Variants in CDH12 observed in about 807,000 individuals in gnomAD.
CDH12 encodes cadherin-12.
Under a neutral mutation model 74.1 loss-of-function variants are expected in CDH12, and 41 were observed. That is an observed-to-expected ratio of 0.55 (90% CI 0.43 to 0.72). CDH12 has a LOEUF of 0.72. CDH12 is among the 30% of genes least tolerant of loss of function. CDH12 has a pLI of 0.00. For synonymous variants in CDH12, 399 were observed against 355.0 expected (o/e 1.12, Z -1.39); for missense variants, 945 against 977.2 (o/e 0.97, Z 0.44).
intron 1 of CDH12, among the ~76,000 whole-genome samples, chr5:22,695,008 G>T (rs543074700): frequency 1.3e-5 from 2 of 151,854 alleles, no homozygotes; most frequent in South Asian, 4.2e-4. Context: ...ACCCACCGAC[G>T]GTCCTGGTGT....
chr5:22,345,602 A>G (rs1740075918), intron 3 of CDH12, among the ~76,000 whole-genome samples: 1 of 152,220 alleles, frequency 6.6e-6, no homozygotes, highest in South Asian at 2.1e-4. Flanking sequence ...TTTTGCCATT[A>G]CTGATGGCTG....
intron 3 of CDH12, among the ~76,000 whole-genome samples, chr5:22,292,543 G>T (rs1737439891): frequency 6.6e-6 from 1 of 151,574 alleles, no homozygotes; most frequent in South Asian, 2.1e-4. Flanking sequence ...GAACTCAATA[G>T]CACAAACAAA....
At chr5:21,931,498 G>A (rs561268786) in intron 6 of CDH12, among the ~76,000 whole-genome samples, 5 of 152,078 alleles carry the variant, frequency 3.3e-5, no homozygotes, top group South Asian at 4.1e-4. Flanking sequence ...CACTAATAGC[G>A]GTGCTTGAAC....
chr5:22,594,142 T>A (rs184741983), intron 1 of CDH12, among the ~76,000 whole-genome samples: 1 of 152,182 alleles, frequency 6.6e-6, no homozygotes, highest in Non-Finnish European at 1.5e-5. Flanking sequence ...ATCCCTGTTA[T>A]ATTCTAATGC....
At chr5:22,313,085 T>G (rs1399558897) in intron 3 of CDH12, among the ~76,000 whole-genome samples, 2 of 152,164 alleles carry the variant, frequency 1.3e-5, no homozygotes, top group Non-Finnish European at 2.9e-5. Flanking sequence ...CATTCACTTC[T>G]CAGGTGGTGA....
chr5:22,801,497 C>T (rs533235777), intron 1 of CDH12, among the ~76,000 whole-genome samples: 19 of 151,804 alleles, frequency 1.3e-4, no homozygotes, highest in Admixed American at 5.9e-4. Context: ...AATTATCTTT[C>T]GTTTCCTCCA....
intron 4 of CDH12, among the ~76,000 whole-genome samples, chr5:22,148,217 T>C (rs1430707651): frequency 1.3e-5 from 2 of 152,182 alleles, no homozygotes; most frequent in East Asian, 3.9e-4. Flanking sequence ...CTGAGTCTCA[T>C]CCATATGTCC....
intron 3 of CDH12, among the ~76,000 whole-genome samples, chr5:22,252,935 G>T (rs1753183752): frequency 6.6e-6 from 1 of 151,236 alleles, no homozygotes; most frequent in Admixed American, 6.6e-5. Flanking sequence ...TAATATTGTT[G>T]GTGTCATTAC....
intron 3 of CDH12, among the ~76,000 whole-genome samples, chr5:22,225,917 C>CAAT (rs908037561): frequency 2.0e-5 from 3 of 151,796 alleles, no homozygotes; most frequent in Admixed American, 1.3e-4. Context: ...ATAACAACAA[C>CAAT]AACAACAGCA....
chr5:22,717,828 G>T (rs1743658401), intron 1 of CDH12, among the ~76,000 whole-genome samples: 1 of 151,952 alleles, frequency 6.6e-6, no homozygotes, highest in South Asian at 2.1e-4. Context: ...AGATTAGAGA[G>T]AAATAAGAAA....
chr5:22,074,415 T>A (rs968244356), intron 5 of CDH12, among the ~76,000 whole-genome samples: 4 of 152,120 alleles, frequency 2.6e-5, no homozygotes, highest in African/African-American at 9.7e-5. Flanking sequence ...AAGGACTTCA[T>A]GACTAAAACA....
At chr5:22,029,586 T>C (rs1470990791) in intron 5 of CDH12, among the ~76,000 whole-genome samples, 1 of 152,078 alleles carries the variant, frequency 6.6e-6, no homozygotes, top group Non-Finnish European at 1.5e-5. Context: ...CCAGTTAGAA[T>C]GGCAATCATT....
chr5:21,889,314 A>C (rs1466222495), intron 6 of CDH12, among the ~76,000 whole-genome samples: 2 of 152,140 alleles, frequency 1.3e-5, no homozygotes, highest in Non-Finnish European at 2.9e-5. Flanking sequence ...TTAGCAAAAC[A>C]AAGTAGGGAG....
chr5:22,122,344 A>T (rs376175325), intron 4 of CDH12, among the ~76,000 whole-genome samples: 1 of 152,182 alleles, frequency 6.6e-6, no homozygotes, highest in East Asian at 1.9e-4. Flanking sequence ...CAGAGGTTGC[A>T]GTGAGCTGAA....
intron 10 of CDH12, among the ~76,000 whole-genome samples, chr5:21,791,140 C>CT (rs1292247441): frequency 1.3e-5 from 2 of 152,032 alleles, no homozygotes; most frequent in African/African-American, 4.8e-5. Flanking sequence ...AGGTCTCAGA[C>CT]TACAGGCCTA....
chr5:22,778,381 T>C (rs1264776078), intron 1 of CDH12, among the ~76,000 whole-genome samples: 1 of 152,132 alleles, frequency 6.6e-6, no homozygotes, highest in African/African-American at 2.4e-5. Context: ...AATCTACATT[T>C]GCTACAAGTA....
intron 3 of CDH12, among the ~76,000 whole-genome samples, chr5:22,365,472 T>C (rs1275756594): frequency 6.6e-6 from 1 of 152,174 alleles, no homozygotes; most frequent in African/African-American, 2.4e-5. Context: ...GCTATCTATG[T>C]CATTTGAAAA....
intron 3 of CDH12, among the ~76,000 whole-genome samples, chr5:22,336,492 A>G (rs975750301): frequency 6.6e-6 from 1 of 152,220 alleles, no homozygotes; most frequent in Non-Finnish European, 1.5e-5. Context: ...GGCCAGGCCC[A>G]GGGTCCTTGT....
intron 3 of CDH12, among the ~76,000 whole-genome samples, chr5:22,365,033 A>C (rs1047976687): frequency 6.6e-6 from 1 of 152,200 alleles, no homozygotes; most frequent in African/African-American, 2.4e-5. Flanking sequence ...AGTGGAACAG[A>C]TTCCCTTTCT....
Sources: gnomAD v4.1 joint callset for allele counts (sites outside exome capture counted in the v4.1 genomes callset) on GRCh38, gnomAD v4.1.1 for gene constraint, MANE v1.5 for transcripts, NCBI Gene and HGNC (gene_info 2026-07-23, HGNC 2026-07-21) for gene names.